The following PRIM2 variants were observed in gnomAD, a reference collection of about 807,000 sequenced individuals.
The protein encoded by PRIM2 is DNA primase subunit 2.
PRIM2 carries 39 observed loss-of-function variants against 67.3 expected under a neutral mutation model. The ratio of observed to expected loss-of-function variants is 0.58; its 90% CI spans 0.45 to 0.76. The LOEUF (loss-of-function observed/expected upper bound fraction) is 0.76. PRIM2 is among the 30% of genes least tolerant of loss of function. The probability of loss-of-function intolerance (pLI) is 0.00; values close to 1 mark genes in which losing one functional copy is unlikely to be tolerated. For synonymous variants in PRIM2, 143 were observed against 198.7 expected, an observed-to-expected ratio of 0.72 and a Z score of 2.36; for missense variants, 398 against 598.7, an observed-to-expected ratio of 0.66 and a Z score of 3.50.
At chr6:57,542,917 G>T (rs1775192619) in intron 10 of PRIM2, among the ~76,000 whole-genome samples, 1 of 137,340 alleles carries the variant, frequency 7.3e-6, no homozygotes, top group Non-Finnish European at 1.6e-5. Context: ...AAAAATTGTT[G>T]GCTTAAAATA....
intron 7 of PRIM2, among the ~76,000 whole-genome samples, chr6:57,387,956 T>C (rs1443898713): frequency 6.6e-6 from 1 of 151,524 alleles, no homozygotes. Flanking sequence ...TGAACAAATA[T>C]AGAGGAAACT....
chr6:57,476,335 A>T (rs1773477578), intron 7 of PRIM2, among the ~76,000 whole-genome samples: 1 of 152,212 alleles, frequency 6.6e-6, no homozygotes, highest in Non-Finnish European at 1.5e-5. Context: ...CATCCTGTTT[A>T]ATTCAGCTGG....
chr6:57,299,867 A>G, the PRIM2 span, among the ~76,000 whole-genome samples: 1 of 152,172 alleles, frequency 6.6e-6, no homozygotes, highest in Non-Finnish European at 1.5e-5. Flanking sequence ...AGTGCTCCTC[A>G]GGGGCAGAGG....
At chr6:57,505,841 GA>G (rs1294548480) in intron 7 of PRIM2, among the ~76,000 whole-genome samples, 19 of 151,934 alleles carry the variant, frequency 1.3e-4, no homozygotes, top group Non-Finnish European at 2.2e-4. Flanking sequence ...ATACTATATA[GA>G]TTGACAGAAG....
At chr6:57,335,008 C>T (rs1292323435) in intron 5 of PRIM2, among the ~76,000 whole-genome samples, 7 of 152,112 alleles carry the variant, frequency 4.6e-5, no homozygotes, top group Non-Finnish European at 8.8e-5. Flanking sequence ...GTGCGCGCAC[C>T]GTGCACGAGC....
intron 12 of PRIM2, among the ~76,000 whole-genome samples, chr6:57,617,447 A>G (rs1307972963): frequency 6.6e-6 from 1 of 152,186 alleles, no homozygotes; most frequent in African/African-American, 2.4e-5. Flanking sequence ...TCATAACACC[A>G]TCCTTTTAAG....
At chr6:57,324,357 T>A in intron 4 of PRIM2, 77 bp downstream of exon 4, 1 of 855,444 alleles carries the variant, frequency 1.2e-6, no homozygotes, top group Non-Finnish European at 1.9e-6. Context: ...GTTGATGTGT[T>A]GTGCTAAACA....
intron 10 of PRIM2, among the ~76,000 whole-genome samples, chr6:57,539,854 C>T (rs1299320525): frequency 6.6e-6 from 1 of 151,796 alleles, no homozygotes. Context: ...ATTAACTGGG[C>T]GTGGTGGCAG....
At chr6:57,403,816 T>C (rs1388665259) in intron 7 of PRIM2, among the ~76,000 whole-genome samples, 1 of 152,048 alleles carries the variant, frequency 6.6e-6, no homozygotes, top group Non-Finnish European at 1.5e-5. Context: ...GCAAGTAGAC[T>C]ATAAAAAACT....
intron 7 of PRIM2, among the ~76,000 whole-genome samples, chr6:57,429,674 T>A (rs1771755851): frequency 6.6e-6 from 1 of 152,062 alleles, no homozygotes; most frequent in Non-Finnish European, 1.5e-5. Context: ...CCTAATACAA[T>A]CTGATTGGCC....
the PRIM2 span, among the ~76,000 whole-genome samples, chr6:57,280,977 T>C: frequency 0.057 from 8,745 of 152,232 alleles, 264 homozygotes; most frequent in Non-Finnish European, 0.072. Flanking sequence ...CTAACCACAG[T>C]CTACTCTCTA....
the PRIM2 span, among the ~76,000 whole-genome samples, chr6:57,242,337 T>C: frequency 6.6e-6 from 1 of 152,340 alleles, no homozygotes; most frequent in East Asian, 1.9e-4. Flanking sequence ...TGTTTGAAAA[T>C]TGCTTTTAAA....
intron 10 of PRIM2, among the ~76,000 whole-genome samples, chr6:57,546,815 G>A (rs1302519420): frequency 1.3e-5 from 2 of 152,094 alleles, no homozygotes; most frequent in Non-Finnish European, 2.9e-5. Context: ...TGATCTTATA[G>A]CAAACCAATT....
At chr6:57,516,110 G>A (rs1774482504) in intron 8 of PRIM2, among the ~76,000 whole-genome samples, 3 of 151,612 alleles carry the variant, frequency 2.0e-5, no homozygotes, top group South Asian at 2.1e-4. Flanking sequence ...TTATGCTGCT[G>A]TGTCACACTG....
At chr6:57,575,873 G>A (rs1302801543) in intron 10 of PRIM2, among the ~76,000 whole-genome samples, 24 of 152,050 alleles carry the variant, frequency 1.6e-4, no homozygotes, top group African/African-American at 5.6e-4. Flanking sequence ...CCACCTCCTG[G>A]GTTCAAGCTA....
chr6:57,399,300 C>T (rs770544642), intron 7 of PRIM2, among the ~76,000 whole-genome samples: 3 of 152,112 alleles, frequency 2.0e-5, no homozygotes, highest in Non-Finnish European at 4.4e-5. Context: ...GTTTTGTTTT[C>T]TGGCCTTGCG....
At chr6:57,494,254 C>T (rs1554346209) in intron 7 of PRIM2, among the ~76,000 whole-genome samples, 4 of 152,086 alleles carry the variant, frequency 2.6e-5, no homozygotes, top group African/African-American at 4.8e-5. Context: ...CATTCCATCA[C>T]GAAAGTGGCA....
intron 5 of PRIM2, among the ~76,000 whole-genome samples, chr6:57,336,981 C>T (rs1364740468): frequency 6.6e-6 from 1 of 152,096 alleles, no homozygotes. Flanking sequence ...CGTGCAGAGA[C>T]ACACATAGCC....
chr6:57,542,278 G>A (rs1202935165), intron 10 of PRIM2, among the ~76,000 whole-genome samples: 6 of 152,184 alleles, frequency 3.9e-5, no homozygotes, highest in Admixed American at 6.5e-5. Flanking sequence ...CACCATGCCC[G>A]GCTGGTGAGC....
Sources: allele counts gnomAD v4.1 joint callset (sites outside exome capture counted in the v4.1 genomes callset), GRCh38; gene constraint gnomAD v4.1.1; transcripts MANE v1.5; gene names NCBI Gene and HGNC (gene_info 2026-07-23, HGNC 2026-07-21).